The following TNRC18 variants were observed in gnomAD, a reference collection of about 807,000 sequenced individuals.
The protein encoded by TNRC18 is trinucleotide repeat containing 18, also known as trinucleotide repeat-containing gene 18 protein.
In TNRC18, 69 loss-of-function variants were observed where a neutral mutation model predicts 226.7. That is an observed-to-expected ratio of 0.30 (90% CI 0.25 to 0.37). The LOEUF (loss-of-function observed/expected upper bound fraction) is 0.37. TNRC18 is among the 10% of genes least tolerant of loss of function. TNRC18 has a pLI of 1.00. For synonymous variants in TNRC18, 2,449 were observed against 1,927.6 expected, an observed-to-expected ratio of 1.27 and a Z score of -7.09; for missense variants, 4,754 against 4,256.6, an observed-to-expected ratio of 1.12 and a Z score of -3.25.
At chr7:5,410,545 T>C (rs1781772690) in intron 2 of TNRC18, among the ~76,000 whole-genome samples, 1 of 151,834 alleles carries the variant, frequency 6.6e-6, no homozygotes, top group Admixed American at 6.6e-5. Flanking sequence ...CATATCAACA[T>C]GAAATTTCAG....
chr7:5,381,924 G>A (rs577614448), intron 5 of TNRC18, among the ~76,000 whole-genome samples: 9 of 152,116 alleles, frequency 5.9e-5, no homozygotes, highest in East Asian at 5.8e-4. Context: ...CAAGATCACA[G>A]CACTGCACTC....
intron 18 of TNRC18, among the ~76,000 whole-genome samples, chr7:5,344,015 G>A (rs528844259): frequency 1.1e-4 from 17 of 152,276 alleles, no homozygotes; most frequent in Admixed American, 2.0e-4. Context: ...AACAGAGTAA[G>A]AAGAAACAAT....
At chr7:5,406,177 T>C (rs902083095) in intron 2 of TNRC18, among the ~76,000 whole-genome samples, 6 of 151,990 alleles carry the variant, frequency 3.9e-5, no homozygotes, top group Non-Finnish European at 7.4e-5. Context: ...AAACAACAAA[T>C]ACTAGGGCCA....
intron 18 of TNRC18, among the ~76,000 whole-genome samples, chr7:5,333,811 C>G (rs933974079): frequency 6.6e-6 from 1 of 152,208 alleles, no homozygotes; most frequent in Non-Finnish European, 1.5e-5. Context: ...ACCCACCCCA[C>G]AACCCGGGAA....
intron 18 of TNRC18, among the ~76,000 whole-genome samples, chr7:5,334,461 A>ATTT (rs10706914): frequency 3.6e-5 from 5 of 140,236 alleles, no homozygotes; most frequent in Non-Finnish European, 6.2e-5. Flanking sequence ...CACGCCTGGC[A>ATTT]TTTTTTTTTT....
At chr7:5,330,360 G>C (rs1336572268) in intron 19 of TNRC18, among the ~76,000 whole-genome samples, 1 of 151,828 alleles carries the variant, frequency 6.6e-6, no homozygotes, top group African/African-American at 2.4e-5. Flanking sequence ...TTCCAGAGTA[G>C]GTGGGACTAT....
chr7:5,356,398 A>G (rs1273641013), intron 16 of TNRC18, among the ~76,000 whole-genome samples: 9 of 152,288 alleles, frequency 5.9e-5, no homozygotes, highest in African/African-American at 2.2e-4. Flanking sequence ...CTGCATCCAT[A>G]GCCGAGCACG....
chr7:5,321,203 G>A lies in TNRC18; in HGVS notation c.6443-13C>T, dbSNP rs775393858. 28 of 1,528,856 alleles carry A rather than the reference G, an allele frequency of 1.8e-5. No individual in the cohort carries two copies. Among genetic ancestry groups the A allele is most frequent in the Non-Finnish European group, 2.4e-5 (27 of 1,131,122 alleles). 94.7% of individuals were successfully genotyped at this position (1,528,856 alleles called of 1,614,324 possible). ...CAGGAGCGAGGGGCTGCAGGGGTTG[G>A]ATCGTGAGGCGAGGCTGGAGCCGGG... On this transcript the variant is annotated splice_polypyrimidine_tract_variant and intron_variant, in intron 21 of 29. Coordinates refer to ENST00000430969, the MANE Select transcript of TNRC18 (RefSeq NM_001080495.3).
At chr7:5,370,296 C>A in intron 11 of TNRC18, 79 bp downstream of exon 11, 1 of 1,459,990 alleles carries the variant, frequency 6.8e-7, no homozygotes, top group South Asian at 1.4e-5. Context: ...GCACTCCAGC[C>A]TGGGCAACAC....
At chr7:5,348,185 A>G (rs1046484594) in intron 17 of TNRC18, among the ~76,000 whole-genome samples, 2 of 152,156 alleles carry the variant, frequency 1.3e-5, no homozygotes, top group Non-Finnish European at 2.9e-5. Context: ...TGAGGCAGAC[A>G]CTTGCTTCCA....
chr7:5,405,892 G>A (rs914196867), intron 2 of TNRC18, among the ~76,000 whole-genome samples: 2 of 152,118 alleles, frequency 1.3e-5, no homozygotes, highest in Admixed American at 6.5e-5. Flanking sequence ...CAAGAGACCC[G>A]TTTCTATTTT....
Position 5,377,831 on chromosome 7 carries a change from G to A in TNRC18, c.2255+91C>T. The A allele has an allele frequency of 8.3e-6, 11 of 1,322,720 alleles. No individual in the cohort carries two copies. The highest frequency in any genetic ancestry group is 1.2e-5 in the Non-Finnish European group (11 of 935,264). 81.9% of individuals were successfully genotyped at this position (1,322,720 alleles called of 1,614,324 possible). ...AGTACCATAGCATCCATGGTCGAGG[G>A]GCCAAGCCCACCTGGGGTCATCCAG... On this transcript the variant is annotated intron_variant, in intron 6 of 29. Coordinates refer to ENST00000430969, the MANE Select transcript of TNRC18 (RefSeq NM_001080495.3). This position sits in a 1 kb window ranked among gnomAD's most constrained non-coding sequence, Gnocchi z 5.8.
At position 5,388,418 on chromosome 7, in the gene TNRC18, T is replaced by A. The variant is rs763571772; in HGVS notation, c.1406A>T (p.Glu469Val). 6.7e-7 allele frequency: 1 copy of A among 1,488,058 alleles called. No individual in the cohort carries two copies. Among genetic ancestry groups the A allele is most frequent in the Non-Finnish European group, 8.9e-7 (1 of 1,129,376 alleles). The allele number at this position is 1,488,058 out of a possible 1,614,324, so 92.2% of individuals were successfully genotyped here. The change falls in exon 5 of 30, where the codon GAG (glutamate) becomes GTG (valine). Residue 469 changes from glutamate (E) to valine (V), a missense_variant. Coordinates refer to ENST00000430969, the MANE Select transcript of TNRC18 (RefSeq NM_001080495.3). ...ACGCTCGCAGGGCCTCGGGTCCGCCTCGGGCTTGAGCAGCTCCTTGGCAGG... is the reference window on the plus strand; with the variant it reads ...ACGCTCGCAGGGCCTCGGGTCCGCCACGGGCTTGAGCAGCTCCTTGGCAGG... ...YVPAKELLKP[E>V]ADPRPCERAP...
rs185141114 is a variant in TNRC18 at position 5,370,032 on chromosome 7, C to T, written c.4219+343G>A. On this transcript the variant is annotated intron_variant, in intron 11 of 29. Coordinates refer to ENST00000430969, the MANE Select transcript of TNRC18 (RefSeq NM_001080495.3). ...TCTTATAAAAAAATGTTTAAGAGGC[C>T]GGGCACAGCGAGCGACTCACACCTA... Among the ~76,000 whole-genome samples, 4 of 152,034 alleles carry T rather than the reference C, an allele frequency of 2.6e-5. No homozygotes were observed. The East Asian group carries it at 5.8e-4, about 22-fold the overall frequency.
intron 21 of TNRC18, among the ~76,000 whole-genome samples, chr7:5,322,495 G>A (rs1250417882): frequency 2.0e-5 from 3 of 152,062 alleles, no homozygotes; most frequent in Non-Finnish European, 4.4e-5. Context: ...GGTCCACTAT[G>A]TTGCCCAACT....
At chr7:5,367,473 G>T (rs2128168601) in intron 11 of TNRC18, among the ~76,000 whole-genome samples, 1 of 151,576 alleles carries the variant, frequency 6.6e-6, no homozygotes, top group East Asian at 2.0e-4. Context: ...TGTTGCCCAG[G>T]CTGGAGGGCA....
rs979847839 is a variant in TNRC18 at position 5,394,822 on chromosome 7, C to T, written c.188-227G>A. On this transcript the variant is annotated intron_variant, in intron 2 of 29. Coordinates refer to ENST00000430969, the MANE Select transcript of TNRC18 (RefSeq NM_001080495.3). The surrounding 1 kb of genome is among the most constrained non-coding windows in gnomAD (Gnocchi z 4.5). ...ACCCAGGGCTTGAGAAAGCACAATA[C>T]GGCAGGAAGCCCCCCACAGCAGACC... Among the ~76,000 whole-genome samples the T allele has an allele frequency of 6.6e-6, 1 of 152,096 alleles. No homozygotes were observed. The highest frequency in any genetic ancestry group is 2.1e-4 in the South Asian group (1 of 4,824).
At chr7:5,325,923 A>T (rs1788873347) in intron 19 of TNRC18, among the ~76,000 whole-genome samples, 1 of 151,518 alleles carries the variant, frequency 6.6e-6, no homozygotes, top group Non-Finnish European at 1.5e-5. Flanking sequence ...TTTTAGAGAC[A>T]GGGTCTTGCT....
rs908789856 is a variant in TNRC18, at chr7:5,324,549, A to G, written c.6301-194T>C. On this transcript the variant is annotated intron_variant, in intron 20 of 29. Coordinates refer to ENST00000430969, the MANE Select transcript of TNRC18 (RefSeq NM_001080495.3). This position sits in a 1 kb window ranked among gnomAD's most constrained non-coding sequence, Gnocchi z 4.8. ...AATGGGCCCAAAACCCAGCTGGCCC[A>G]TGCTCAGTACTCGGTGCTCAATACT... Among the ~76,000 whole-genome samples, 1 of 152,178 alleles carries G rather than the reference A, an allele frequency of 6.6e-6. No individual in the cohort carries two copies. Among genetic ancestry groups the G allele is most frequent in the South Asian group, 2.1e-4 (1 of 4,832 alleles).
Sources: allele counts gnomAD v4.1 joint callset (sites outside exome capture counted in the v4.1 genomes callset), GRCh38; gene constraint gnomAD v4.1.1; non-coding constraint Gnocchi (gnomAD v3.1); transcripts MANE v1.5; gene names NCBI Gene and HGNC (gene_info 2026-07-23, HGNC 2026-07-21).